ST7: variants seen among roughly 807,000 people sequenced by gnomAD.
The protein encoded by ST7 is suppressor of tumorigenicity 7 protein.
ST7 carries 28 observed loss-of-function variants against 78.7 expected under a neutral mutation model. The observed-to-expected ratio is 0.36, with a 90% CI of 0.26 to 0.49. The LOEUF (loss-of-function observed/expected upper bound fraction) is 0.49. Among genes scored for constraint, ST7 ranks in the 20% least tolerant of loss-of-function variants. The probability of loss-of-function intolerance (pLI) is 0.99; values close to 1 mark genes in which losing one functional copy is unlikely to be tolerated. For synonymous variants in ST7, 247 were observed against 249.6 expected, an observed-to-expected ratio of 0.99 and a Z score of 0.10; for missense variants, 418 against 696.0, an observed-to-expected ratio of 0.60 and a Z score of 4.49.
intron 9 of ST7, among the ~76,000 whole-genome samples, chr7:117,154,986 A>G (rs1267862566): frequency 1.3e-5 from 2 of 152,182 alleles, no homozygotes; most frequent in Non-Finnish European, 2.9e-5. Context: ...GCCTCACACC[A>G]GGACAGACAA....
rs141023830 is a variant in ST7 at position 117,174,512 on chromosome 7, G to A, written c.1078+3536G>A. Among the ~76,000 whole-genome samples the A allele has an allele frequency of 3.5e-3, 534 of 152,226 alleles. 5 individuals are homozygous for A. The highest frequency in any genetic ancestry group is 0.012 in the African/African-American group (514 of 41,540). On this transcript the variant is annotated intron_variant, in intron 10 of 15. Coordinates refer to ENST00000323984, the MANE Select transcript of ST7 (RefSeq NM_001369598.1). ...GTGATGTTATGAGAGAAAAGTGATCGACTGAGAACAACTTCATTAAATATG... is the reference window on the plus strand; with the variant it reads ...GTGATGTTATGAGAGAAAAGTGATCAACTGAGAACAACTTCATTAAATATG...
chr7:117,187,236 G>A lies in ST7; in HGVS notation c.1079-2085G>A, dbSNP rs149320027. On this transcript the variant is annotated intron_variant, in intron 10 of 15. Transcript: ENST00000323984. Reference sequence around the variant, plus strand: ...ATTTTCTATTTCTGTTAATCAGTGAGAACAAAATAACTTACTAGCATAAAA... The same window carrying A: ...ATTTTCTATTTCTGTTAATCAGTGAAAACAAAATAACTTACTAGCATAAAA... 1.7e-3 allele frequency among the ~76,000 whole-genome samples: 257 copies of A among 152,230 alleles called. 1 individual carries two copies. The highest frequency in any genetic ancestry group is 3.9e-3 in the African/African-American group (162 of 41,534).
At position 117,068,081 on chromosome 7, in the gene ST7, C is replaced by T. The variant is rs1231929709; in HGVS notation, c.152-31681C>T. Among the ~76,000 whole-genome samples the T allele has an allele frequency of 2.0e-5, 3 of 152,054 alleles. No individual in the cohort carries two copies. The East Asian group carries it at 5.8e-4, about 29-fold the overall frequency. ...ATTTGGCAGGTCTGATAATTTAGGCCTCTGGAAACCTCAGTTATGCTATAA... is the reference window on the plus strand; with the variant it reads ...ATTTGGCAGGTCTGATAATTTAGGCTTCTGGAAACCTCAGTTATGCTATAA... On this transcript the variant is annotated intron_variant, in intron 1 of 15. Transcript: ENST00000323984.
intron 15 of ST7, 65 bp from the exon 16 acceptor site, chr7:117,229,697 A>T (rs1452996354): frequency 7.7e-7 from 1 of 1,294,924 alleles, no homozygotes; most frequent in Non-Finnish European, 1.1e-6. Flanking sequence ...GTGGGTGGAG[A>T]GGTTTGTTTT....
At chr7:117,223,719 A>C (rs539831014) in intron 15 of ST7, 1 of 152,920 alleles carries the variant, frequency 6.5e-6, no homozygotes, top group South Asian at 2.1e-4. Context: ...ATGATCCCGC[A>C]GTATTCCATG....
At position 117,093,478 on chromosome 7, in the gene ST7, G is replaced by A. The variant is rs149462782; in HGVS notation, c.152-6284G>A. On this transcript the variant is annotated intron_variant, in intron 1 of 15. Coordinates refer to ENST00000323984, the MANE Select transcript of ST7 (RefSeq NM_001369598.1). ...GCACTTTGGGAGGCTGAGTGGGGTG[G>A]ATCAGTGAGGTCAGGAGTTTGAGAC... Among the ~76,000 whole-genome samples the A allele has an allele frequency of 5.1e-4, 77 of 152,296 alleles. 1 individual carries two copies. In the East Asian group the frequency reaches 0.014, roughly 28 times the overall value.
chr7:116,975,671 G>A (rs1234169221), intron 1 of ST7, among the ~76,000 whole-genome samples: 1 of 150,576 alleles, frequency 6.6e-6, no homozygotes, highest in East Asian at 1.9e-4. Flanking sequence ...GCCTCCTAAA[G>A]TGCTGGAATT....
chr7:117,154,375 T>G (rs901628452), intron 9 of ST7, among the ~76,000 whole-genome samples: 1 of 152,202 alleles, frequency 6.6e-6, no homozygotes, highest in Admixed American at 6.5e-5. Context: ...TTGTTTAAGA[T>G]GCACAGTCTG....
At chr7:117,147,963 T>A (rs1232203905) in intron 9 of ST7, among the ~76,000 whole-genome samples, 2 of 152,182 alleles carry the variant, frequency 1.3e-5, no homozygotes, top group Non-Finnish European at 2.9e-5. Flanking sequence ...TATGGTCAGG[T>A]TTAATAAATG....
intron 15 of ST7, chr7:117,222,729 G>C (rs986374391): frequency 5.4e-6 from 4 of 736,232 alleles, no homozygotes; most frequent in Middle Eastern, 2.4e-4. Flanking sequence ...TCTTGCCACA[G>C]ATGAGTTTCA....
chr7:117,149,473 C>T (rs1283610375), intron 9 of ST7, among the ~76,000 whole-genome samples: 3 of 151,988 alleles, frequency 2.0e-5, no homozygotes, highest in Non-Finnish European at 2.9e-5. Flanking sequence ...TGGAGAGATG[C>T]TCTCTGCTCC....
At chr7:117,179,045 C>T (rs1454501351) in intron 10 of ST7, among the ~76,000 whole-genome samples, 1 of 152,144 alleles carries the variant, frequency 6.6e-6, no homozygotes, top group Non-Finnish European at 1.5e-5. Context: ...TCATCCTGCC[C>T]CATAATTTCA....
chr7:116,969,385 T>C (rs1007712809), intron 1 of ST7, among the ~76,000 whole-genome samples: 3 of 152,206 alleles, frequency 2.0e-5, no homozygotes, highest in African/African-American at 7.2e-5. Flanking sequence ...AATTGAGATT[T>C]GTTTGATATT....
intron 9 of ST7, among the ~76,000 whole-genome samples, chr7:117,164,961 G>A (rs962698070): frequency 2.0e-5 from 3 of 152,086 alleles, no homozygotes; most frequent in South Asian, 2.1e-4. Flanking sequence ...TTAGGAGGTG[G>A]CATTTGATCT....
At chr7:117,189,127 C>G (rs1046184049) in intron 10 of ST7, among the ~76,000 whole-genome samples, 194 bp from the exon 11 acceptor site, 4 of 152,164 alleles carry the variant, frequency 2.6e-5, no homozygotes, top group African/African-American at 9.7e-5. Flanking sequence ...CACAAAAATA[C>G]AAACTACCCT....
intron 7 of ST7, 107 bp downstream of exon 7, chr7:117,134,299 G>A: frequency 6.6e-7 from 1 of 1,521,246 alleles, no homozygotes; most frequent in South Asian, 1.2e-5. Flanking sequence ...TTCTGTATGT[G>A]TATTGTGTTG....
intron 1 of ST7, among the ~76,000 whole-genome samples, chr7:116,967,794 A>G (rs2116225486): frequency 6.6e-6 from 1 of 152,320 alleles, no homozygotes; most frequent in East Asian, 1.9e-4. Context: ...TGTGGCTCCT[A>G]CTATAATATT....
At chr7:117,217,320 G>A (rs771608547) in intron 13 of ST7, among the ~76,000 whole-genome samples, 18 of 150,872 alleles carry the variant, frequency 1.2e-4, no homozygotes, top group South Asian at 4.2e-4. Context: ...AACTTCCCAC[G>A]TAGGTTTTTC....
chr7:117,228,949 G>A (rs1052391770), intron 15 of ST7, among the ~76,000 whole-genome samples: 1 of 152,062 alleles, frequency 6.6e-6, no homozygotes, highest in African/African-American at 2.4e-5. Flanking sequence ...ACTGGGATAG[G>A]GCACCTCTTC....
Sources: allele counts gnomAD v4.1 joint callset (sites outside exome capture counted in the v4.1 genomes callset), GRCh38; gene constraint gnomAD v4.1.1; transcripts MANE v1.5; gene names NCBI Gene and HGNC (gene_info 2026-07-23, HGNC 2026-07-21).